Variants in ME3 observed in about 807,000 individuals in gnomAD.
ME3 encodes the protein NADP-dependent malic enzyme, mitochondrial.
Under a neutral mutation model 68.9 loss-of-function variants are expected in ME3, and 48 were observed. The ratio of observed to expected loss-of-function variants is 0.70; its 90% confidence interval spans 0.55 to 0.89. The LOEUF (loss-of-function observed/expected upper bound fraction) is 0.89. Among genes scored for constraint, ME3 ranks in the 40% least tolerant of loss-of-function variants. The pLI is 0.00. For missense variants in ME3, 675 were observed against 797.4 expected (o/e 0.85, Z 1.85); for synonymous variants, 320 against 318.8 (o/e 1.00, Z -0.04).
Position 86,614,946 on chromosome 11 carries a change from C to T in ME3, c.184-55123G>A, listed in dbSNP as rs1046456537. 2.0e-5 allele frequency among the ~76,000 whole-genome samples: 3 copies of T among 152,276 alleles called. No homozygotes were observed. In the East Asian group the frequency reaches 5.8e-4, roughly 29 times the overall value. ...TTGATAAAATGTACTAAATACTAAA[C>T]CATGTCAGATGTGGCCATGAGACGA... is the stretch of plus-strand genomic sequence containing the variant. On this transcript the variant is annotated intron_variant, in intron 2 of 14. Coordinates refer to ENST00000543262, the Ensembl canonical transcript of ME3.
intron 2 of ME3, among the ~76,000 whole-genome samples, chr11:86,595,859 T>A (rs1046457282): frequency 1.9e-4 from 29 of 152,194 alleles, no homozygotes; most frequent in African/African-American, 7.0e-4. Context: ...GGGAAAGAAG[T>A]TGTGTTAGAG....
intron 4 of ME3, among the ~76,000 whole-genome samples, chr11:86,518,770 T>A (rs1175221587): frequency 2.6e-5 from 4 of 152,134 alleles, no homozygotes; most frequent in Non-Finnish European, 5.9e-5. Flanking sequence ...TCTTTGCAGA[T>A]GTGGTCAAGA....
intron 4 of ME3, among the ~76,000 whole-genome samples, chr11:86,546,067 G>T (rs1956342229): frequency 6.6e-6 from 1 of 152,178 alleles, no homozygotes; most frequent in Non-Finnish European, 1.5e-5. Flanking sequence ...AATGGGGAAA[G>T]GATTCCCTAT....
intron 4 of ME3, among the ~76,000 whole-genome samples, chr11:86,533,247 A>T (rs935269530): frequency 3.9e-5 from 6 of 152,150 alleles, no homozygotes; most frequent in Admixed American, 2.0e-4. Context: ...AGCAAAATTG[A>T]CAAACCCTTA....
At chr11:86,658,557 T>C (rs661954) in intron 2 of ME3, among the ~76,000 whole-genome samples, 28,573 of 152,148 alleles carry the variant, frequency 0.19, 2,765 homozygotes, top group African/African-American at 0.23. Flanking sequence ...AGGAGGCAGC[T>C]GACTCTGTCC....
At chr11:86,544,977 G>A (rs1021687975) in intron 4 of ME3, among the ~76,000 whole-genome samples, 1 of 152,114 alleles carries the variant, frequency 6.6e-6, no homozygotes. Context: ...TATCCACCAC[G>A]ATCAAGTCGG....
intron 13 of ME3, among the ~76,000 whole-genome samples, chr11:86,444,921 A>G (rs996708776): frequency 6.6e-6 from 1 of 152,168 alleles, no homozygotes; most frequent in Non-Finnish European, 1.5e-5. Context: ...AGGTGATAAT[A>G]AGTAGATCCA....
At position 86,574,403 on chromosome 11, in the gene ME3, G is replaced by T. The variant is rs113253127; in HGVS notation, c.184-14580C>A. 5.2e-5 allele frequency among the ~76,000 whole-genome samples: 7 copies of T among 134,948 alleles called. No homozygotes were observed. In the South Asian group the frequency reaches 1.2e-3, roughly 22 times the overall value. 88.5% of individuals were successfully genotyped at this position (134,948 alleles called of 152,430 possible). On this transcript the variant is annotated intron_variant, in intron 2 of 14. Coordinates refer to ENST00000543262, the Ensembl canonical transcript of ME3. ...TGGATGGGGTATTTGTTGCCGGGGG[G>T]GGGGGGGGTGTCTTTTTTGTTGATG...
rs550580942 is a variant in ME3 at position 86,477,117 on chromosome 11, C to T, written c.809+10220G>A. ...TGGCCTCATTTATCCATCATAAGTA[C>T]TCTCCCAGTCTTAAAAATGCATTTT... On this transcript the variant is annotated intron_variant, in intron 7 of 14. Transcript: ENST00000543262. Among the ~76,000 whole-genome samples, 10 of 152,290 alleles carry T rather than the reference C, an allele frequency of 6.6e-5. No individual in the cohort carries two copies. In the South Asian group the frequency reaches 1.5e-3, roughly 22 times the overall value.
chr11:86,488,617 T>C (rs1318163904), intron 6 of ME3, among the ~76,000 whole-genome samples: 1 of 152,202 alleles, frequency 6.6e-6, no homozygotes, highest in African/African-American at 2.4e-5. Flanking sequence ...TGTGTGTGCG[T>C]TGGTGTGAAT....
chr11:86,526,581 C>T (rs573238885), intron 4 of ME3, among the ~76,000 whole-genome samples: 2 of 152,334 alleles, frequency 1.3e-5, no homozygotes, highest in South Asian at 4.1e-4. Flanking sequence ...CAAGTGGGTC[C>T]CTGACCCCCA....
chr11:86,505,261 G>T (rs529469588), intron 5 of ME3, among the ~76,000 whole-genome samples: 21 of 150,782 alleles, frequency 1.4e-4, no homozygotes, highest in Non-Finnish European at 2.5e-4. Context: ...CCTAGGGGTG[G>T]GGGGGGAGGA....
chr11:86,573,441 T>TTG (rs553731520), intron 2 of ME3, among the ~76,000 whole-genome samples: 1,682 of 151,638 alleles, frequency 0.011, 15 homozygotes, highest in Middle Eastern at 0.017. Flanking sequence ...TTTTTTTTTT[T>TTG]GGTATATATG....
At chr11:86,576,355 G>A (rs2139581885) in intron 2 of ME3, among the ~76,000 whole-genome samples, 1 of 152,262 alleles carries the variant, frequency 6.6e-6, no homozygotes, top group Non-Finnish European at 1.5e-5. Context: ...CTGCCTCAGT[G>A]CACTTCAAAC....
Position 86,632,682 on chromosome 11 carries a change from T to C in ME3, c.183+39080A>G, listed in dbSNP as rs545918525. Among the ~76,000 whole-genome samples the C allele has an allele frequency of 3.3e-3, 504 of 152,224 alleles. 2 individuals are homozygous for C. The highest frequency in any genetic ancestry group is 0.011 in the African/African-American group (456 of 41,554). The stretch of plus-strand genomic sequence containing the variant: ...CTGCCACATGTGTGACAGCCTGCGC[T>C]GTGAAGGAGGGGACAGAGGAGGCCA... On this transcript the variant is annotated intron_variant, in intron 2 of 14. Transcript: ENST00000543262.
chr11:86,576,917 A>C (rs938793274), intron 2 of ME3, among the ~76,000 whole-genome samples: 1 of 152,220 alleles, frequency 6.6e-6, no homozygotes, highest in African/African-American at 2.4e-5. Context: ...TCAAATTTGG[A>C]AACTGCTAGG....
chr11:86,468,608 A>G (rs1008108248), intron 7 of ME3, among the ~76,000 whole-genome samples: 6 of 152,242 alleles, frequency 3.9e-5, no homozygotes, highest in African/African-American at 1.4e-4. Context: ...TCTTTAAACT[A>G]ATTAAAAACC....
intron 4 of ME3, among the ~76,000 whole-genome samples, chr11:86,535,993 A>C (rs773215314): frequency 3.9e-5 from 6 of 152,188 alleles, no homozygotes; most frequent in Non-Finnish European, 8.8e-5. Context: ...TGACCACTGG[A>C]AGTTTATAGC....
At chr11:86,603,733 G>A (rs1385307253) in intron 2 of ME3, among the ~76,000 whole-genome samples, 1 of 151,800 alleles carries the variant, frequency 6.6e-6, no homozygotes, top group Non-Finnish European at 1.5e-5. Flanking sequence ...AAGAAAATGT[G>A]GCACATATAC....
Sources: gnomAD v4.1 joint callset for allele counts (sites outside exome capture counted in the v4.1 genomes callset) on GRCh38, gnomAD v4.1.1 for gene constraint, MANE v1.5 for transcripts, NCBI Gene and HGNC (gene_info 2026-07-23, HGNC 2026-07-21) for gene names.